BCAS3: variants seen among roughly 807,000 people sequenced by gnomAD.
BCAS3 encodes BCAS3 microtubule associated cell migration factor.
Under a neutral mutation model 116.1 loss-of-function variants are expected in BCAS3, and 53 were observed. That is an observed-to-expected ratio of 0.46 (90% confidence interval 0.37 to 0.57). The LOEUF is 0.57. Among genes scored for constraint, BCAS3 ranks in the 20% least tolerant of loss-of-function variants. The probability of loss-of-function intolerance (pLI) is 0.00; values close to 1 mark genes in which losing one functional copy is unlikely to be tolerated. For missense variants in BCAS3, 917 were observed against 1,165.4 expected (o/e 0.79, Z 3.10); for synonymous variants, 391 against 408.2 (o/e 0.96, Z 0.51).
At position 61,064,305 on chromosome 17, in the gene BCAS3, A is replaced by G. The variant is rs144381286; in HGVS notation, c.2030-10615A>G. On this transcript the variant is annotated intron_variant, in intron 19 of 23. Transcript: ENST00000407086. The stretch of plus-strand genomic sequence containing the variant: ...CAGCTTGGTCAGCATAGCGATACCT[A>G]TCTCTTAAAAAAAAAAAAGTATACT... 2.6e-3 allele frequency among the ~76,000 whole-genome samples: 400 copies of G among 152,034 alleles called. 3 individuals are homozygous for G. The highest frequency in any genetic ancestry group is 9.3e-3 in the African/African-American group (385 of 41,492).
At chr17:60,810,724 A>G in intron 7 of BCAS3, 1 of 663,264 alleles carries the variant, frequency 1.5e-6, no homozygotes, top group Non-Finnish European at 2.8e-6. Flanking sequence ...TGGGCTCTGC[A>G]AGGTCACTGA....
chr17:60,765,082 G>A (rs914646567), intron 6 of BCAS3, among the ~76,000 whole-genome samples: 36 of 152,010 alleles, frequency 2.4e-4, no homozygotes, highest in South Asian at 2.1e-4. Context: ...GCCTATATGC[G>A]TCTCTGCATG....
chr17:61,237,879 T>C lies in BCAS3; in HGVS notation c.2426-130448T>C, dbSNP rs185336404. Among the ~76,000 whole-genome samples the C allele has an allele frequency of 3.2e-3, 481 of 152,318 alleles. 3 individuals carry two copies. The highest frequency in any genetic ancestry group is 0.011 in the African/African-American group (460 of 41,566). Reference sequence around the variant, plus strand: ...AAAATAGATTAGCCATATTTTTATATGGAGGCAGGAAGCTTGACTCTAATG... The same window carrying C: ...AAAATAGATTAGCCATATTTTTATACGGAGGCAGGAAGCTTGACTCTAATG... On this transcript the variant is annotated intron_variant, in intron 22 of 23. Transcript: ENST00000407086.
chr17:60,781,684 T>A (rs1031194760), intron 6 of BCAS3, among the ~76,000 whole-genome samples: 2 of 152,154 alleles, frequency 1.3e-5, no homozygotes, highest in African/African-American at 4.8e-5. Flanking sequence ...TTGTCTTATT[T>A]CCATGTTTTT....
At position 61,132,414 on chromosome 17, in the gene BCAS3, T is replaced by C. The variant is rs2076389997; in HGVS notation, c.2425+47850T>C. On this transcript the variant is annotated intron_variant, in intron 22 of 23. Transcript: ENST00000407086. The surrounding 1 kb of genome is among the most constrained non-coding windows in gnomAD (Gnocchi z 5.1). ...GGGTCTTGGGGCATCTACCAAATCT[T>C]AATGGTAGTCTCACTGTCTGTGGCC... 6.6e-6 allele frequency among the ~76,000 whole-genome samples: 1 copy of C among 152,212 alleles called. No individual in the cohort carries two copies. The highest frequency in any genetic ancestry group is 1.5e-5 in the Non-Finnish European group (1 of 68,038).
intron 22 of BCAS3, among the ~76,000 whole-genome samples, chr17:61,089,652 C>T (rs2073381416): frequency 2.0e-5 from 3 of 151,044 alleles, no homozygotes; most frequent in African/African-American, 7.3e-5. Context: ...GCCTCAGCCT[C>T]CCAAGTAGCT....
chr17:61,198,210 A>G lies in BCAS3; in HGVS notation c.2425+113646A>G, dbSNP rs1390176715. On this transcript the variant is annotated intron_variant, in intron 22 of 23. Transcript: ENST00000407086. The surrounding 1 kb of genome is among the most constrained non-coding windows in gnomAD (Gnocchi z 5.0). ...GGCTGGAGTGCAGTGGCCCAATCTC[A>G]GCTTACTGCAAGCTCCACCTCCCAG... is the stretch of plus-strand genomic sequence containing the variant. 6.8e-6 allele frequency among the ~76,000 whole-genome samples: 1 copy of G among 147,678 alleles called. No homozygotes were observed. Among genetic ancestry groups the G allele is most frequent in the East Asian group, 2.0e-4 (1 of 5,038 alleles).
At chr17:61,334,754 C>A (rs2056588585) in intron 22 of BCAS3, among the ~76,000 whole-genome samples, 1 of 150,366 alleles carries the variant, frequency 6.7e-6, no homozygotes, top group Admixed American at 6.6e-5. Flanking sequence ...CCTAAGAGGG[C>A]AAAGGAGCCA....
In BCAS3 at chr17:61,096,600, G is replaced by A. The variant is rs571323391; in HGVS notation, c.2425+12036G>A. 5.9e-5 allele frequency among the ~76,000 whole-genome samples: 9 copies of A among 152,166 alleles called. No homozygotes were observed. In the East Asian group the frequency reaches 1.7e-3, roughly 29 times the overall value. On this transcript the variant is annotated intron_variant, in intron 22 of 23. Coordinates refer to ENST00000407086, the MANE Select transcript of BCAS3 (RefSeq NM_017679.5). ...TGTTTCCAGCAACTTTTCCAAATTCGTTTATTCATTCTAATAGTAGAATCT... is the reference window on the plus strand; with the variant it reads ...TGTTTCCAGCAACTTTTCCAAATTCATTTATTCATTCTAATAGTAGAATCT...
At chr17:60,813,458 G>A (rs2049032329) in intron 7 of BCAS3, among the ~76,000 whole-genome samples, 1 of 152,030 alleles carries the variant, frequency 6.6e-6, no homozygotes, top group African/African-American at 2.4e-5. Flanking sequence ...CTTTTTAATG[G>A]CATTGTTTTT....
rs2076376689 is a variant in BCAS3 at position 61,132,172 on chromosome 17, A to G, written c.2425+47608A>G. Among the ~76,000 whole-genome samples, 2 of 152,208 alleles carry G rather than the reference A, an allele frequency of 1.3e-5. No homozygotes were observed. The highest frequency in any genetic ancestry group is 2.4e-5 in the African/African-American group (1 of 41,448). On this transcript the variant is annotated intron_variant, in intron 22 of 23. Coordinates refer to ENST00000407086, the MANE Select transcript of BCAS3 (RefSeq NM_017679.5). The surrounding 1 kb of genome is among the most constrained non-coding windows in gnomAD (Gnocchi z 5.1). The stretch of plus-strand genomic sequence containing the variant: ...CTGGTTTTTTCCAGTGATTTTTACT[A>G]AATTTGATGTTAGGTACCTATAATT...
intron 12 of BCAS3, among the ~76,000 whole-genome samples, chr17:60,921,235 G>A (rs900309290): frequency 6.6e-6 from 1 of 152,156 alleles, no homozygotes; most frequent in Non-Finnish European, 1.5e-5. Flanking sequence ...GCCATAAAGA[G>A]AATGAAATCA....
At chr17:61,149,216 G>A (rs986844652) in intron 22 of BCAS3, among the ~76,000 whole-genome samples, 7 of 152,050 alleles carry the variant, frequency 4.6e-5, no homozygotes, top group African/African-American at 1.7e-4. Flanking sequence ...AATGAACTTA[G>A]ACGCCTTGAG....
chr17:60,767,683 T>A (rs9906831), intron 6 of BCAS3, among the ~76,000 whole-genome samples: 1 of 151,678 alleles, frequency 6.6e-6, no homozygotes, highest in African/African-American at 2.4e-5. Context: ...TGCTGGAAAA[T>A]TATTGTTTTC....
intron 22 of BCAS3, among the ~76,000 whole-genome samples, chr17:61,238,003 G>A (rs1437803850): frequency 6.6e-6 from 1 of 152,158 alleles, no homozygotes; most frequent in East Asian, 1.9e-4. Flanking sequence ...TCACCACCCT[G>A]AGTTGGTTTA....
At chr17:60,722,499 A>G (rs1294300338) in intron 5 of BCAS3, among the ~76,000 whole-genome samples, 1 of 152,150 alleles carries the variant, frequency 6.6e-6, no homozygotes, top group Non-Finnish European at 1.5e-5. Context: ...GCGGTGGCTC[A>G]TGCCTGTAAT....
intron 12 of BCAS3, among the ~76,000 whole-genome samples, chr17:60,916,413 T>C (rs2058781469): frequency 6.6e-6 from 1 of 152,126 alleles, no homozygotes; most frequent in East Asian, 1.9e-4. Context: ...ATAAAGGCAT[T>C]CTTAGAAAAA....
chr17:61,259,366 G>A lies in BCAS3; in HGVS notation c.2426-108961G>A, dbSNP rs988938751. 2.6e-5 allele frequency among the ~76,000 whole-genome samples: 4 copies of A among 152,160 alleles called. No homozygotes were observed. The highest frequency in any genetic ancestry group is 9.7e-5 in the African/African-American group (4 of 41,450). ...ACCCAGGGTTATGGTCAGGGTTCCA[G>A]TATGGTTTGTGCTTTTGTTCCTTCT... On this transcript the variant is annotated intron_variant, in intron 22 of 23. Coordinates refer to ENST00000407086, the MANE Select transcript of BCAS3 (RefSeq NM_017679.5). This position sits in a 1 kb window ranked among gnomAD's most constrained non-coding sequence, Gnocchi z 4.7.
intron 19 of BCAS3, among the ~76,000 whole-genome samples, chr17:61,066,700 A>G (rs149994149): frequency 6.6e-6 from 1 of 152,242 alleles, no homozygotes; most frequent in East Asian, 1.9e-4. Flanking sequence ...TTTGATATCT[A>G]GCTGTTTCTC....
Sources: allele counts gnomAD v4.1 joint callset (sites outside exome capture counted in the v4.1 genomes callset), GRCh38; gene constraint gnomAD v4.1.1; non-coding constraint Gnocchi (gnomAD v3.1); transcripts MANE v1.5; gene names NCBI Gene and HGNC (gene_info 2026-07-23, HGNC 2026-07-21).